The following SLC44A5 variants were observed in gnomAD, a reference collection of about 807,000 sequenced individuals.
The protein encoded by SLC44A5 is solute carrier family 44 member 5.
In SLC44A5, 57 loss-of-function variants were observed where a neutral mutation model predicts 101.8. The observed-to-expected ratio is 0.56, with a 90% CI of 0.45 to 0.70. The LOEUF is 0.70. SLC44A5 is among the 30% of genes least tolerant of loss of function. SLC44A5 has a pLI of 0.00. For synonymous variants in SLC44A5, 281 were observed against 290.9 expected (o/e 0.97, Z 0.35); for missense variants, 737 against 853.1 (o/e 0.86, Z 1.70).
the SLC44A5 span, among the ~76,000 whole-genome samples, chr1:75,679,753 C>A: frequency 6.6e-6 from 1 of 151,866 alleles, no homozygotes; most frequent in Non-Finnish European, 1.5e-5. Flanking sequence ...ATCAAATTCA[C>A]ACATAACACT....
the SLC44A5 span, among the ~76,000 whole-genome samples, chr1:75,646,158 A>G: frequency 2.2e-5 from 3 of 135,062 alleles, 1 homozygote; most frequent in Non-Finnish European, 3.3e-5. Flanking sequence ...GTTTTTTCCA[A>G]TTCTGTGAAG....
At chr1:75,242,158 T>C in intron 8 of SLC44A5, 97 bp from the exon 9 acceptor site, 1 of 815,070 alleles carries the variant, frequency 1.2e-6, no homozygotes, top group Non-Finnish European at 2.0e-6. Flanking sequence ...AACTCCATAA[T>C]AATCTCCTTA....
At chr1:75,706,827 A>C in the SLC44A5 span, among the ~76,000 whole-genome samples, 141,304 of 152,168 alleles carry the variant, frequency 0.93, 65,843 homozygotes, top group African/African-American at 0.97. Flanking sequence ...TTTTGCTTCC[A>C]AACTGCTACT....
intron 23 of SLC44A5, among the ~76,000 whole-genome samples, chr1:75,210,756 C>G (rs1229474203): frequency 6.6e-6 from 1 of 152,122 alleles, no homozygotes. Context: ...TGCCATGAAG[C>G]CTGTGCTTCA....
At chr1:75,468,719 C>CA (rs762537869) in intron 2 of SLC44A5, among the ~76,000 whole-genome samples, 8 of 151,096 alleles carry the variant, frequency 5.3e-5, no homozygotes, top group East Asian at 1.9e-4. Context: ...TTAATGGGTA[C>CA]AAAAAAAATA....
intron 17 of SLC44A5, 24 bp from the exon 18 acceptor site, chr1:75,217,984 A>G (rs751348078): frequency 1.4e-6 from 2 of 1,440,910 alleles, no homozygotes; most frequent in Non-Finnish European, 1.9e-6. Flanking sequence ...AAATGAGAAT[A>G]AGTTAAAACT....
At chr1:75,358,767 G>C (rs1346373422) in intron 3 of SLC44A5, among the ~76,000 whole-genome samples, 1 of 152,010 alleles carries the variant, frequency 6.6e-6, no homozygotes, top group Non-Finnish European at 1.5e-5. Context: ...ATGATGTGAT[G>C]GTTCAATACA....
intron 6 of SLC44A5, among the ~76,000 whole-genome samples, chr1:75,261,204 A>G (rs572277913): frequency 6.6e-6 from 1 of 152,270 alleles, no homozygotes; most frequent in South Asian, 2.1e-4. Flanking sequence ...GAGACACAAA[A>G]AACTCTTCAA....
intron 23 of SLC44A5, among the ~76,000 whole-genome samples, chr1:75,211,235 A>AG (rs1646846910): frequency 6.6e-6 from 1 of 152,182 alleles, no homozygotes; most frequent in African/African-American, 2.4e-5. Flanking sequence ...TGACATTTTT[A>AG]GATTCCACAT....
chr1:75,668,881 GC>G, the SLC44A5 span, among the ~76,000 whole-genome samples: 1 of 151,304 alleles, frequency 6.6e-6, no homozygotes, highest in Non-Finnish European at 1.5e-5. Flanking sequence ...TGTAATCCCA[GC>G]TACTCGGGAG....
intron 1 of SLC44A5, among the ~76,000 whole-genome samples, chr1:75,606,332 C>A (rs914796426): frequency 6.6e-6 from 1 of 151,898 alleles, no homozygotes; most frequent in Non-Finnish European, 1.5e-5. Context: ...GAGAAACATC[C>A]TTAGAACTAG....
intron 5 of SLC44A5, among the ~76,000 whole-genome samples, chr1:75,292,954 C>A (rs1311592225): frequency 6.6e-6 from 1 of 152,154 alleles, no homozygotes; most frequent in Non-Finnish European, 1.5e-5. Flanking sequence ...AAAACCAACA[C>A]AAATCTGGTT....
At chr1:75,643,428 C>T in the SLC44A5 span, among the ~76,000 whole-genome samples, 1 of 152,044 alleles carries the variant, frequency 6.6e-6, no homozygotes, top group African/African-American at 2.4e-5. Flanking sequence ...AAGCAAATAT[C>T]GTTTAATTAT....
intron 1 of SLC44A5, among the ~76,000 whole-genome samples, chr1:75,607,574 C>A (rs1218216080): frequency 6.6e-6 from 1 of 151,974 alleles, no homozygotes; most frequent in Non-Finnish European, 1.5e-5. Flanking sequence ...GCTGTGTCCC[C>A]ACCCAAATCT....
At chr1:75,514,139 C>T (rs1669706173) in intron 2 of SLC44A5, among the ~76,000 whole-genome samples, 1 of 152,158 alleles carries the variant, frequency 6.6e-6, no homozygotes, top group Non-Finnish European at 1.5e-5. Flanking sequence ...GCCATGAGCA[C>T]CCAGTCCCCT....
intron 3 of SLC44A5, among the ~76,000 whole-genome samples, chr1:75,367,921 C>A (rs1018129479): frequency 1.3e-5 from 2 of 152,164 alleles, no homozygotes; most frequent in Admixed American, 1.3e-4. Context: ...TGAAAGGAGA[C>A]CTCCCATGCC....
intron 2 of SLC44A5, among the ~76,000 whole-genome samples, chr1:75,405,498 C>G (rs909626323): frequency 4.6e-5 from 7 of 152,264 alleles, no homozygotes; most frequent in Admixed American, 1.3e-4. Flanking sequence ...GAAATCATAA[C>G]AAACCATCTC....
At chr1:75,687,214 C>T in the SLC44A5 span, among the ~76,000 whole-genome samples, 1 of 152,190 alleles carries the variant, frequency 6.6e-6, no homozygotes, top group Non-Finnish European at 1.5e-5. Flanking sequence ...TACTAAATCA[C>T]ACACCCACCA....
chr1:75,297,159 G>T (rs1049899183), intron 5 of SLC44A5, among the ~76,000 whole-genome samples: 1 of 151,868 alleles, frequency 6.6e-6, no homozygotes, highest in African/African-American at 2.4e-5. Context: ...CCTGGGAAAG[G>T]TTAAAAAAAG....
Sources: allele counts gnomAD v4.1 joint callset (sites outside exome capture counted in the v4.1 genomes callset), GRCh38; gene constraint gnomAD v4.1.1; transcripts MANE v1.5; gene names NCBI Gene and HGNC (gene_info 2026-07-23, HGNC 2026-07-21).